LIFR: variants seen among roughly 807,000 people sequenced by gnomAD.
LIFR encodes the protein leukemia inhibitory factor receptor.
LIFR carries 84 observed loss-of-function variants against 122.2 expected under a neutral mutation model. The observed-to-expected ratio is 0.69, with a 90% CI of 0.58 to 0.82. The LOEUF is 0.82. Ranked by LOEUF, LIFR falls within the 40% of genes least tolerant of loss-of-function variation. The pLI, the probability that LIFR is intolerant of heterozygous loss-of-function variation, is 0.00. For missense variants in LIFR, 1,294 were observed against 1,311.6 expected (o/e 0.99, Z 0.21); for synonymous variants, 422 against 434.7 (o/e 0.97, Z 0.36).
At chr5:38,519,044 ATG>A (rs1015127367) in intron 5 of LIFR, among the ~76,000 whole-genome samples, 6 of 152,246 alleles carry the variant, frequency 3.9e-5, no homozygotes, top group African/African-American at 1.4e-4. Flanking sequence ...CAGCTGTACT[ATG>A]TGTTTGTTTT....
chr5:38,594,780 T>C, intron 1 of LIFR: 1 of 180,968 alleles, frequency 5.5e-6, no homozygotes. Context: ...AATGTAGTTA[T>C]ATGTGATTCT....
At chr5:38,566,136 C>G (rs1268155666) in intron 1 of LIFR, among the ~76,000 whole-genome samples, 1 of 152,148 alleles carries the variant, frequency 6.6e-6, no homozygotes, top group East Asian at 1.9e-4. Flanking sequence ...TTTTTTCTTC[C>G]TATCATAGCA....
chr5:38,589,879 G>A (rs960603402), intron 1 of LIFR, among the ~76,000 whole-genome samples: 2 of 152,104 alleles, frequency 1.3e-5, no homozygotes, highest in African/African-American at 4.8e-5. Flanking sequence ...AATTGTGAGG[G>A]CAGGGTGTGG....
rs374476153 is a variant in LIFR, at chr5:38,498,515, G to C, written c.1671+998C>G. On this transcript the variant is annotated intron_variant, in intron 12 of 19. Transcript: ENST00000453190. ...TGAACTCTACTCATGATATCCCAGT[G>C]GCATACCTTTTGAAAACTCACTATG... 2.6e-5 allele frequency among the ~76,000 whole-genome samples: 4 copies of C among 152,112 alleles called. No individual in the cohort carries two copies. In the South Asian group the frequency reaches 6.2e-4, roughly 24 times the overall value.
At chr5:38,494,461 A>G (rs62353656) in intron 13 of LIFR, among the ~76,000 whole-genome samples, 6,138 of 152,058 alleles carry the variant, frequency 0.04, 175 homozygotes, top group Middle Eastern at 0.1. Flanking sequence ...GGCAAGGGGC[A>G]AGGGGCAAGG....
rs755312727 is a variant in LIFR, at chr5:38,482,626, T to C, written c.2633A>G (p.Asn878Ser). 2 of 1,500,086 alleles carry C rather than the reference T, an allele frequency of 1.3e-6. No homozygotes were observed. The highest frequency in any genetic ancestry group is 1.3e-5 in the South Asian group (1 of 75,984). 92.9% of individuals were successfully genotyped at this position (1,500,086 alleles called of 1,614,324 possible). A position where few individuals can be genotyped will look rare whatever the true frequency, so the allele number is the denominator to read the frequency against. ...CTTTTGAAACTGTAATGCTTTACAG[T>C]TTTCTGGATTTGGAATATCAGGGTA... The part of the protein sequence containing the change: ...TFYPDIPNPE[N>S]CKALQFQKSV... Residue 878 changes from asparagine (N) to serine (S), a missense_variant, in exon 19 of 20, where the codon AAC becomes AGC. Asn to Ser is a conservative substitution (Grantham distance 46, BLOSUM62 1). Transcript: ENST00000453190.
At chr5:38,564,735 TACACACACACACACACACAC>T (rs3047301) in intron 1 of LIFR, among the ~76,000 whole-genome samples, 4 of 137,406 alleles carry the variant, frequency 2.9e-5, no homozygotes, top group Non-Finnish European at 4.7e-5. Flanking sequence ...ACACACACAC[TACACACACACACACACACAC>T]ACACACACAC....
chr5:38,479,487 GATGGTCACAGTTGAAATGCAT>G lies in LIFR; in HGVS notation c.*2087_*2107del, dbSNP rs1157194603. On this transcript the variant is annotated 3_prime_UTR_variant, in exon 20 of 20. Transcript: ENST00000453190. Reference sequence around the variant, plus strand: ...TAGGTTAGAAAGGGCCCTGGATCCAGATGGTCACAGTTGAAATGCATATATATTGACAGACAGAGATCAAAC... The same window carrying G: ...TAGGTTAGAAAGGGCCCTGGATCCAGATATATTGACAGACAGAGATCAAAC... 2.2e-5 allele frequency: 5 copies of G among 231,400 alleles called. No homozygotes were observed. Among genetic ancestry groups the G allele is most frequent in the Non-Finnish European group, 4.3e-5 (5 of 116,950 alleles). The allele number at this position is 231,400 out of a possible 1,614,324, so 14.3% of individuals were successfully genotyped here.
intron 2 of LIFR, among the ~76,000 whole-genome samples, chr5:38,603,339 C>G (rs1014171102): frequency 1.3e-5 from 2 of 152,058 alleles, no homozygotes; most frequent in Non-Finnish European, 2.9e-5. Flanking sequence ...ACGGATTTGC[C>G]GCTGGTAACT....
At chr5:38,526,533 T>G (rs1434175749) in intron 4 of LIFR, among the ~76,000 whole-genome samples, 1 of 152,100 alleles carries the variant, frequency 6.6e-6, no homozygotes, top group African/African-American at 2.4e-5. Flanking sequence ...TTTTATTTAG[T>G]AGCAAATTGT....
chr5:38,547,465 A>G (rs1041052704), intron 1 of LIFR, among the ~76,000 whole-genome samples: 1 of 152,186 alleles, frequency 6.6e-6, no homozygotes, highest in African/African-American at 2.4e-5. Flanking sequence ...GAACATGAAA[A>G]CATGACTCAA....
At chr5:38,561,321 A>C (rs1748830149), upstream of LIFR, among the ~76,000 whole-genome samples, 1 of 152,222 alleles carries the variant, frequency 6.6e-6, no homozygotes, top group African/African-American at 2.4e-5. Flanking sequence ...TGAGACTCTT[A>C]CTGTGGTTGT....
rs1201750002 is a variant in LIFR, at chr5:38,480,591, G to A, written c.*1004C>T. On this transcript the variant is annotated 3_prime_UTR_variant, in exon 20 of 20. Coordinates refer to ENST00000453190, the MANE Select transcript of LIFR (RefSeq NM_001127671.2). ...AAGGTGTCAAAGATCACCACTGCCT[G>A]GGTAGCCAAGCTCAACGGCATGGTC... 1 of 220,548 alleles carries A rather than the reference G, an allele frequency of 4.5e-6. No homozygotes were observed. Among genetic ancestry groups the A allele is most frequent in the East Asian group, 6.6e-5 (1 of 15,096 alleles). 13.7% of individuals were successfully genotyped at this position (220,548 alleles called of 1,614,324 possible). A position where few individuals can be genotyped will look rare whatever the true frequency, so the allele number is the denominator to read the frequency against.
rs758195163 is a variant in LIFR at position 38,482,064 on chromosome 5, T to A, written c.2825A>T (p.Glu942Val). ...RPEDRSDAEP[E>V]NHVVVSYCPP... Reference sequence around the variant, plus strand: ...ACAATAGGACACAACCACATGGTTTTCAGGCTCTGCATCAGAGCGATCTTC... The same window carrying A: ...ACAATAGGACACAACCACATGGTTTACAGGCTCTGCATCAGAGCGATCTTC... Residue 942 changes from glutamate (E) to valine (V), a missense_variant, in exon 20 of 20, where the codon GAA becomes GTA. Transcript: ENST00000453190. 6.2e-7 allele frequency: 1 copy of A among 1,609,418 alleles called. No individual in the cohort carries two copies. The highest frequency in any genetic ancestry group is 8.5e-7 in the Non-Finnish European group (1 of 1,177,508).
At chr5:38,514,429 G>A (rs1025614740) in intron 5 of LIFR, among the ~76,000 whole-genome samples, 1 of 152,066 alleles carries the variant, frequency 6.6e-6, no homozygotes, top group Non-Finnish European at 1.5e-5. Flanking sequence ...TAGTAATCAC[G>A]CACGAGTGCA....
At chr5:38,592,630 C>G (rs1264717027) in intron 1 of LIFR, among the ~76,000 whole-genome samples, 8 of 143,674 alleles carry the variant, frequency 5.6e-5, no homozygotes, top group Admixed American at 5.0e-4. Context: ...GCGCTCCAGC[C>G]TGGGCGACAG....
At chr5:38,491,293 G>C (rs1175376128) in intron 14 of LIFR, among the ~76,000 whole-genome samples, 1 of 152,192 alleles carries the variant, frequency 6.6e-6, no homozygotes, top group Non-Finnish European at 1.5e-5. Context: ...GAGCAACACA[G>C]ACATGCACAA....
rs749847799 is a variant in LIFR, at chr5:38,490,214, T to C, written c.2143A>G (p.Met715Val). ...RNQGYQLLRS[M>V]IGYIEELAPI... ...CCCAATTCTTCTATATATCCAATCA[T>C]GGAGCGTAATAATTGATATCCTTGA... is the stretch of plus-strand genomic sequence containing the variant. Residue 715 changes from methionine to valine, a missense_variant, in exon 15 of 20, where the codon ATG becomes GTG. Physicochemically the swap from Met to Val is conservative, Grantham distance 21 (BLOSUM62 1). Coordinates refer to ENST00000453190, the MANE Select transcript of LIFR (RefSeq NM_001127671.2). 1 of 1,559,190 alleles carries C rather than the reference T, an allele frequency of 6.4e-7. No homozygotes were observed. Among genetic ancestry groups the C allele is most frequent in the Non-Finnish European group, 8.8e-7 (1 of 1,133,634 alleles).
intron 1 of LIFR, among the ~76,000 whole-genome samples, chr5:38,531,500 C>T (rs891955530): frequency 7.3e-5 from 11 of 151,516 alleles, no homozygotes; most frequent in African/African-American, 1.5e-4. Context: ...AAAAAAAGAA[C>T]CTAAAAAACT....
Sources: allele counts gnomAD v4.1 joint callset (sites outside exome capture counted in the v4.1 genomes callset), GRCh38; gene constraint gnomAD v4.1.1; transcripts MANE v1.5; gene names NCBI Gene and HGNC (gene_info 2026-07-23, HGNC 2026-07-21).